Variants in KHDRBS3 observed in about 807,000 individuals in gnomAD.
KHDRBS3 encodes KH domain-containing, RNA-binding, signal transduction-associated protein 3.
KHDRBS3 carries 23 observed loss-of-function variants against 45.6 expected under a neutral mutation model. The ratio of observed to expected loss-of-function variants is 0.50; its 90% CI spans 0.36 to 0.72. KHDRBS3 has a LOEUF of 0.72. Among genes scored for constraint, KHDRBS3 ranks in the 30% least tolerant of loss-of-function variants. The pLI, the probability that KHDRBS3 is intolerant of heterozygous loss-of-function variation, is 0.00. For synonymous variants in KHDRBS3, 162 were observed against 156.5 expected (o/e 1.04, Z -0.26); for missense variants, 352 against 424.8 (o/e 0.83, Z 1.51).
At chr8:135,617,118 A>G (rs1295887022) in intron 7 of KHDRBS3, among the ~76,000 whole-genome samples, 1 of 152,092 alleles carries the variant, frequency 6.6e-6, no homozygotes, top group Admixed American at 6.5e-5. Context: ...GACTTACAAC[A>G]TTGTAATTAA....
intron 1 of KHDRBS3, among the ~76,000 whole-genome samples, chr8:135,469,121 T>C (rs1821847076): frequency 6.6e-6 from 1 of 152,264 alleles, no homozygotes; most frequent in Non-Finnish European, 1.5e-5. Flanking sequence ...ATCAATTGGG[T>C]GAAAAATTTC....
In KHDRBS3 at chr8:135,553,144, G is replaced by A. The variant is rs542563937; in HGVS notation, c.471+4244G>A. On this transcript the variant is annotated intron_variant, in intron 4 of 8. Transcript: ENST00000355849. ...ATCTGTCCAATTTCTGGCTAGCCTG[G>A]TGGTCAGTTTCTTGACGCAACCCAA... Among the ~76,000 whole-genome samples the A allele has an allele frequency of 8.5e-5, 13 of 152,204 alleles. No homozygotes were observed. The South Asian group carries it at 1.2e-3, about 15-fold the overall frequency.
chr8:135,534,300 C>G (rs937773839), intron 2 of KHDRBS3, among the ~76,000 whole-genome samples: 2 of 151,912 alleles, frequency 1.3e-5, no homozygotes, highest in East Asian at 1.9e-4. Context: ...CCCCATATAC[C>G]AAAAATGTGC....
rs558111794 is a variant in KHDRBS3, at chr8:135,458,991, C to T, written c.88+1037C>T. ...TTCAGATGAAGATGGGTGTGGGTGC[C>T]ACTGGTCTGTCTTTTCTCTGGGAAA... On this transcript the variant is annotated intron_variant, in intron 1 of 8. Coordinates refer to ENST00000355849, the MANE Select transcript of KHDRBS3 (RefSeq NM_006558.3). 96 of 455,940 alleles carry T rather than the reference C, an allele frequency of 2.1e-4. 1 individual carries two copies. The highest frequency in any genetic ancestry group is 3.9e-4 in the Non-Finnish European group (89 of 226,882). The allele number at this position is 455,940 out of a possible 1,614,324, so 28.2% of individuals were successfully genotyped here.
At chr8:135,649,714 AT>A (rs1831390197), downstream of KHDRBS3, among the ~76,000 whole-genome samples, 1 of 152,084 alleles carries the variant, frequency 6.6e-6, no homozygotes, top group African/African-American at 2.4e-5. Flanking sequence ...TTATTAAATA[AT>A]TTTTTTAAGG....
chr8:135,654,468 A>G (rs1831492220), intron 4 of KHDRBS3, among the ~76,000 whole-genome samples: 1 of 152,212 alleles, frequency 6.6e-6, no homozygotes. Context: ...CTGTGGCCAC[A>G]CCAGAAACTC....
rs1563784102 is a variant in KHDRBS3, at chr8:135,581,867, C to CTTGGA, written c.612-7_612-6insATTGG. ...TGATAGATACTGCTAATTTGACTCT[C>CTTGGA]TTGGTTACAGGGGAAGGGGAGGAGT... On this transcript the variant is annotated splice_polypyrimidine_tract_variant and intron_variant, in intron 5 of 8. Transcript: ENST00000355849. 1.3e-6 allele frequency: 2 copies of CTTGGA among 1,561,730 alleles called. No individual in the cohort carries two copies. The highest frequency in any genetic ancestry group is 2.4e-5 in the South Asian group (2 of 82,470).
At chr8:135,512,433 G>GGC (rs909669146) in intron 1 of KHDRBS3, among the ~76,000 whole-genome samples, 1 of 136,682 alleles carries the variant, frequency 7.3e-6, no homozygotes, top group Non-Finnish European at 1.6e-5. Flanking sequence ...AAAAGTCGGG[G>GGC]GGGGGGTAAT....
downstream of KHDRBS3, among the ~76,000 whole-genome samples, chr8:135,649,751 T>C (rs1399181157): frequency 6.6e-6 from 1 of 152,148 alleles, no homozygotes; most frequent in Non-Finnish European, 1.5e-5. Context: ...TAATAAGAAT[T>C]ATGGAGAGGT....
At chr8:135,515,524 G>A (rs886948414) in intron 1 of KHDRBS3, among the ~76,000 whole-genome samples, 2 of 151,862 alleles carry the variant, frequency 1.3e-5, no homozygotes, top group Admixed American at 6.6e-5. Context: ...GTGCCCAGAG[G>A]CTGATATGCA....
At chr8:135,459,693 A>G (rs1328355059) in intron 1 of KHDRBS3, among the ~76,000 whole-genome samples, 1 of 152,262 alleles carries the variant, frequency 6.6e-6, no homozygotes, top group Non-Finnish European at 1.5e-5. Flanking sequence ...AACTGAAAGT[A>G]CAGTGCGTTA....
chr8:135,506,011 C>G (rs181004051), intron 1 of KHDRBS3, among the ~76,000 whole-genome samples: 288 of 152,262 alleles, frequency 1.9e-3, no homozygotes, highest in Non-Finnish European at 3.2e-3. Context: ...ACCCAGCATT[C>G]CAGGACAGCG....
intron 5 of KHDRBS3, among the ~76,000 whole-genome samples, chr8:135,574,453 C>T (rs116512818): frequency 2.6e-5 from 4 of 152,180 alleles, no homozygotes; most frequent in East Asian, 1.9e-4. Context: ...ATTTCATACA[C>T]GAGTGGTGCA....
chr8:135,469,908 C>G (rs1186922169), intron 1 of KHDRBS3, among the ~76,000 whole-genome samples: 1 of 152,202 alleles, frequency 6.6e-6, no homozygotes, highest in East Asian at 1.9e-4. Context: ...TAGAGTACAT[C>G]GCAGCCGATG....
intron 2 of KHDRBS3, among the ~76,000 whole-genome samples, chr8:135,525,823 A>T (rs1488664221): frequency 7.9e-5 from 12 of 152,184 alleles, no homozygotes; most frequent in African/African-American, 2.4e-4. Context: ...TAAGTAGTTC[A>T]TAGTCTAGTT....
At chr8:135,637,592 C>T (rs1285332785) in intron 7 of KHDRBS3, among the ~76,000 whole-genome samples, 1 of 152,134 alleles carries the variant, frequency 6.6e-6, no homozygotes, top group East Asian at 1.9e-4. Flanking sequence ...AAGGAATTTA[C>T]TACCCCTTCG....
intron 6 of KHDRBS3, among the ~76,000 whole-genome samples, chr8:135,601,281 A>T (rs182785171): frequency 2.5e-4 from 38 of 152,340 alleles, no homozygotes; most frequent in African/African-American, 9.1e-4. Context: ...AATAAGACAC[A>T]ATCCATATTC....
chr8:135,587,369 G>T (rs2130947183), intron 6 of KHDRBS3, among the ~76,000 whole-genome samples: 1 of 152,272 alleles, frequency 6.6e-6, no homozygotes, highest in South Asian at 2.1e-4. Context: ...CTAGCCATTG[G>T]TAACACCAAA....
At chr8:135,502,590 T>C (rs1823786465) in intron 1 of KHDRBS3, among the ~76,000 whole-genome samples, 1 of 152,220 alleles carries the variant, frequency 6.6e-6, no homozygotes, top group African/African-American at 2.4e-5. Context: ...TAGTCTTTAT[T>C]AAATCTTATG....
Sources: allele counts gnomAD v4.1 joint callset (sites outside exome capture counted in the v4.1 genomes callset), GRCh38; gene constraint gnomAD v4.1.1; transcripts MANE v1.5; gene names NCBI Gene and HGNC (gene_info 2026-07-23, HGNC 2026-07-21).